ART3: variants seen among roughly 807,000 people sequenced by gnomAD.
The protein encoded by ART3 is ecto-ADP-ribosyltransferase 3.
ART3 carries 49 observed loss-of-function variants against 48.5 expected under a neutral mutation model. The observed-to-expected ratio is 1.01, with a 90% confidence interval of 0.80 to 1.28. The LOEUF is 1.28. ART3 is among the 50% of genes most tolerant of loss of function. The pLI is 0.00. For synonymous variants in ART3, 145 were observed against 157.2 expected, an observed-to-expected ratio of 0.92 and a Z score of 0.58; for missense variants, 438 against 454.3, an observed-to-expected ratio of 0.96 and a Z score of 0.33.
chr4:76,018,135 A>G (rs552822635), intron 1 of ART3, among the ~76,000 whole-genome samples: 2 of 152,332 alleles, frequency 1.3e-5, no homozygotes, highest in Non-Finnish European at 2.9e-5. Flanking sequence ...TACCATAAAG[A>G]CACGTGCACA....
intron 1 of ART3, among the ~76,000 whole-genome samples, chr4:76,016,561 G>A (rs560425309): frequency 6.6e-6 from 1 of 152,200 alleles, no homozygotes; most frequent in Admixed American, 6.5e-5. Context: ...GCATGTCACT[G>A]TAACCACTAC....
chr4:76,066,096 C>A (rs1305072855), intron 1 of ART3, among the ~76,000 whole-genome samples: 2 of 152,090 alleles, frequency 1.3e-5, no homozygotes, highest in Non-Finnish European at 2.9e-5. Flanking sequence ...GACTGAAACC[C>A]TAGAAAGCAT....
intron 1 of ART3, among the ~76,000 whole-genome samples, chr4:76,069,214 T>G (rs80060995): frequency 0.051 from 7,815 of 151,914 alleles, 238 homozygotes; most frequent in South Asian, 0.14. Context: ...GTGGTGACTT[T>G]TTTGGGGAGA....
Position 76,015,896 on chromosome 4 carries a change from T to C in ART3, c.-10+4576T>C, listed in dbSNP as rs558355407. Among the ~76,000 whole-genome samples, 8 of 152,370 alleles carry C rather than the reference T, an allele frequency of 5.3e-5. No homozygotes were observed. The East Asian group carries it at 1.5e-3, about 29-fold the overall frequency. On this transcript the variant is annotated intron_variant, in intron 1 of 9. Coordinates refer to the ART3 transcript ENST00000341029. ...CTCTGGCCTTGGCCTCCTAGAGTGC[T>C]GGGACTATAGGCACAAGCCTGGCCT...
chr4:76,012,042 G>T (rs1038303702), intron 1 of ART3: 1 of 152,190 alleles, frequency 6.6e-6, no homozygotes, highest in African/African-American at 2.4e-5. Context: ...TTTTGGACAA[G>T]AATTTTAACT....
chr4:76,082,623 G>T, intron 3 of ART3, 88 bp downstream of exon 3: 4 of 1,092,570 alleles, frequency 3.7e-6, no homozygotes, highest in South Asian at 3.6e-5. Flanking sequence ...GAGAGTGAGA[G>T]GTGTTTGAAA....
At chr4:76,110,476 T>C (rs1244107380) in intron 11 of ART3, among the ~76,000 whole-genome samples, 1 of 152,208 alleles carries the variant, frequency 6.6e-6, no homozygotes. Context: ...GGGATGACTG[T>C]ATATCCAGTT....
Position 76,075,961 on chromosome 4 carries a change from A to G in ART3, c.69+3A>G, listed in dbSNP as rs759513779. 1 of 1,607,070 alleles carries G rather than the reference A, an allele frequency of 6.2e-7. No individual in the cohort carries two copies. Among genetic ancestry groups the G allele is most frequent in the Non-Finnish European group, 8.5e-7 (1 of 1,175,472 alleles). ...TGATTCTAGTGGACATTTTCCAGGT[A>G]ATGTTGGGAATGGGAAGCATGTGGT... On this transcript the variant is annotated splice_donor_region_variant and intron_variant, in intron 2 of 11. Coordinates refer to ENST00000355810, the MANE Select transcript of ART3 (RefSeq NM_001130016.3).
At chr4:76,036,520 C>T (rs1301177068) in intron 1 of ART3, among the ~76,000 whole-genome samples, 1 of 151,998 alleles carries the variant, frequency 6.6e-6, no homozygotes, top group African/African-American at 2.4e-5. Context: ...TATTTGACAC[C>T]AGATGACCTT....
intron 3 of ART3, among the ~76,000 whole-genome samples, chr4:76,083,989 G>A (rs972419306): frequency 6.6e-6 from 1 of 152,144 alleles, no homozygotes; most frequent in Admixed American, 6.5e-5. Context: ...TCATAGCTCA[G>A]TTAGAGTGGT....
At chr4:76,027,332 A>G (rs1488282767) in intron 1 of ART3, among the ~76,000 whole-genome samples, 1 of 152,248 alleles carries the variant, frequency 6.6e-6, no homozygotes, top group Non-Finnish European at 1.5e-5. Flanking sequence ...GTGGAGGTTC[A>G]TAGGAGACTG....
chr4:76,067,454 T>G (rs55975346), intron 1 of ART3, among the ~76,000 whole-genome samples: 29,933 of 149,828 alleles, frequency 0.2, 3,403 homozygotes, highest in African/African-American at 0.31. Context: ...TTAGCAAACA[T>G]TTTCCCAAAA....
chr4:76,101,758 A>G (rs78122653), intron 8 of ART3, among the ~76,000 whole-genome samples: 6,285 of 152,266 alleles, frequency 0.041, 387 homozygotes, highest in African/African-American at 0.13. Flanking sequence ...TCTTGGAAAA[A>G]AAAAATTACT....
intron 1 of ART3, among the ~76,000 whole-genome samples, chr4:76,051,218 T>A (rs1317683513): frequency 6.6e-6 from 1 of 152,334 alleles, no homozygotes; most frequent in East Asian, 1.9e-4. Flanking sequence ...CTGTCACCTC[T>A]CAAAAGTACA....
At chr4:76,028,179 AAAAATC>A (rs6148527) in intron 1 of ART3, among the ~76,000 whole-genome samples, 92,062 of 151,132 alleles carry the variant, frequency 0.61, 29,043 homozygotes, top group East Asian at 0.94. Context: ...TTTAGAAAAA[AAAAATC>A]AAACTTTTAG....
At chr4:76,108,641 G>A (rs1194440799) in intron 11 of ART3, among the ~76,000 whole-genome samples, 1 of 148,110 alleles carries the variant, frequency 6.8e-6, no homozygotes, top group Non-Finnish European at 1.5e-5. Context: ...CTGGTCTGTG[G>A]TAACATACAG....
At chr4:76,015,623 A>G (rs1732187235) in intron 1 of ART3, among the ~76,000 whole-genome samples, 1 of 152,196 alleles carries the variant, frequency 6.6e-6, no homozygotes, top group South Asian at 2.1e-4. Flanking sequence ...GCTTATATGT[A>G]TAAAGGTTTG....
chr4:76,082,483 C>T lies in ART3; in HGVS notation c.729C>T (p.Ile243=), dbSNP rs1442326779. The T allele has an allele frequency of 6.2e-7, 1 of 1,609,676 alleles. No homozygotes were observed. The highest frequency in any genetic ancestry group is 1.1e-5 in the South Asian group (1 of 90,436). Residue 243 remains isoleucine (I), a synonymous_variant, in exon 3 of 12, where the codon ATC becomes ATT. Transcript: ENST00000355810. ...VSQEGAGNNL[I]LQSINKTCSH... ...AGGAGGGGGCTGGCAATAACCTTAT[C>T]CTTCAAAGCATAAACAAGACCTGCA...
At chr4:76,049,531 T>A (rs920649223) in intron 1 of ART3, among the ~76,000 whole-genome samples, 1 of 151,294 alleles carries the variant, frequency 6.6e-6, no homozygotes, top group Non-Finnish European at 1.5e-5. Flanking sequence ...CTCCAAAGAG[T>A]CAGGGGTTGT....
Sources: allele counts gnomAD v4.1 joint callset (sites outside exome capture counted in the v4.1 genomes callset), GRCh38; gene constraint gnomAD v4.1.1; transcripts MANE v1.5; gene names NCBI Gene and HGNC (gene_info 2026-07-23, HGNC 2026-07-21).